LRRC4C: variants seen among roughly 807,000 people sequenced by gnomAD.
The protein encoded by LRRC4C is leucine rich repeat containing 4C, also known as leucine-rich repeat-containing protein 4C.
In LRRC4C, 5 loss-of-function variants were observed where a neutral mutation model predicts 33.6. The ratio of observed to expected loss-of-function variants is 0.15; its 90% CI spans 0.08 to 0.31. The LOEUF (loss-of-function observed/expected upper bound fraction) is 0.31. LRRC4C is among the 10% of genes least tolerant of loss of function. The probability of loss-of-function intolerance (pLI) is 1.00; values close to 1 mark genes in which losing one functional copy is unlikely to be tolerated. For missense variants in LRRC4C, 560 were observed against 796.7 expected, an observed-to-expected ratio of 0.70 and a Z score of 3.58; for synonymous variants, 329 against 302.0, an observed-to-expected ratio of 1.09 and a Z score of -0.93.
chr11:41,182,149 G>A (rs1338643779), intron 1 of LRRC4C, among the ~76,000 whole-genome samples: 1 of 152,078 alleles, frequency 6.6e-6, no homozygotes, highest in Admixed American at 6.6e-5. Context: ...CATAGACCAG[G>A]GAGATGAAAA....
At chr11:40,520,332 G>A (rs1366047753) in intron 3 of LRRC4C, among the ~76,000 whole-genome samples, 5 of 151,008 alleles carry the variant, frequency 3.3e-5, no homozygotes, top group Admixed American at 2.0e-4. Flanking sequence ...GCCTATCTCA[G>A]TTTTTAACAT....
intron 1 of LRRC4C, among the ~76,000 whole-genome samples, chr11:40,971,926 TTTGTTTTGG>T (rs1205293802): frequency 6.6e-6 from 1 of 152,168 alleles, no homozygotes; most frequent in African/African-American, 2.4e-5. Context: ...CTGTAGCTCC[TTTGTTTTGG>T]TTGATTTCTC....
chr11:41,130,980 G>T (rs560651641), intron 1 of LRRC4C, among the ~76,000 whole-genome samples: 12 of 151,988 alleles, frequency 7.9e-5, no homozygotes, highest in African/African-American at 2.9e-4. Context: ...TTGCCTATAT[G>T]ATTTCAATTG....
rs397935483 is a variant in LRRC4C, at chr11:41,059,210, G to GTTTTTTT, written c.-495-125494_-495-125488dup. Among the ~76,000 whole-genome samples, 34 of 125,206 alleles carry GTTTTTTT rather than the reference G, an allele frequency of 2.7e-4. 1 individual carries two copies. The highest frequency in any genetic ancestry group is 2.3e-3 in the East Asian group (9 of 3,868). 82.1% of individuals were successfully genotyped at this position (125,206 alleles called of 152,430 possible). On this transcript the variant is annotated intron_variant, in intron 1 of 6. Coordinates refer to ENST00000528697, the MANE Select transcript of LRRC4C (RefSeq NM_001258419.2). ...ATATACTCCTGATACTAAAATAAAA[G>GTTTTTTT]TTTTTTTTTTTTTTTAAGAAAAAGA...
chr11:40,878,503 C>A lies in LRRC4C; in HGVS notation c.-407+55132G>T, dbSNP rs534640555. ...CTAGAGCCCTCGCATGTGCAATTCACAATACGGTTAGTGCACCTAAGAGAA... is the reference window on the plus strand; with the variant it reads ...CTAGAGCCCTCGCATGTGCAATTCAAAATACGGTTAGTGCACCTAAGAGAA... On this transcript the variant is annotated intron_variant, in intron 2 of 6. Transcript: ENST00000528697. Among the ~76,000 whole-genome samples, 3 of 152,190 alleles carry A rather than the reference C, an allele frequency of 2.0e-5. No individual in the cohort carries two copies. In the East Asian group the frequency reaches 5.8e-4, roughly 29 times the overall value.
At chr11:41,272,394 T>C (rs939395469) in intron 1 of LRRC4C, among the ~76,000 whole-genome samples, 18 of 152,184 alleles carry the variant, frequency 1.2e-4, no homozygotes, top group African/African-American at 4.1e-4. Context: ...CACAAAATCA[T>C]CCTGGACTAT....
At chr11:41,070,816 G>A (rs548590690) in intron 1 of LRRC4C, among the ~76,000 whole-genome samples, 1 of 152,224 alleles carries the variant, frequency 6.6e-6, no homozygotes, top group South Asian at 2.1e-4. Context: ...CACTGTTGGT[G>A]GGAATGTAAA....
intron 1 of LRRC4C, among the ~76,000 whole-genome samples, chr11:41,175,349 G>A (rs570751954): frequency 6.6e-6 from 1 of 152,074 alleles, no homozygotes; most frequent in Non-Finnish European, 1.5e-5. Flanking sequence ...TATTCTGCAG[G>A]AGGAAACAAT....
intron 1 of LRRC4C, among the ~76,000 whole-genome samples, chr11:41,154,451 A>G (rs1440720938): frequency 6.6e-6 from 1 of 152,148 alleles, no homozygotes; most frequent in African/African-American, 2.4e-5. Context: ...AATTTTAAAA[A>G]TTTATTTCTC....
intron 3 of LRRC4C, among the ~76,000 whole-genome samples, chr11:40,453,508 C>T (rs906810349): frequency 6.6e-6 from 1 of 151,152 alleles, no homozygotes; most frequent in Admixed American, 6.6e-5. Context: ...TAATACAATC[C>T]CAATGAATAT....
chr11:40,457,730 T>C (rs1301429146), intron 3 of LRRC4C, among the ~76,000 whole-genome samples: 1 of 152,178 alleles, frequency 6.6e-6, no homozygotes, highest in African/African-American at 2.4e-5. Flanking sequence ...TTTCCTAGCT[T>C]GGACACTAAA....
At chr11:40,584,239 C>A (rs111355346) in intron 3 of LRRC4C, among the ~76,000 whole-genome samples, 2 of 133,950 alleles carry the variant, frequency 1.5e-5, no homozygotes, top group African/African-American at 5.5e-5. Context: ...GTCTTGTGCA[C>A]TGCCAAGCGT....
At chr11:40,921,454 G>C (rs1416976540) in intron 2 of LRRC4C, among the ~76,000 whole-genome samples, 3 of 152,116 alleles carry the variant, frequency 2.0e-5, no homozygotes, top group African/African-American at 7.2e-5. Context: ...GCAAAGAGCT[G>C]AATTTTGCCA....
At chr11:40,878,088 C>T (rs1350386152) in intron 2 of LRRC4C, among the ~76,000 whole-genome samples, 1 of 152,096 alleles carries the variant, frequency 6.6e-6, no homozygotes, top group Admixed American at 6.6e-5. Context: ...GGCTTGTGAG[C>T]TTACCAAACT....
rs1949562913 is a variant in LRRC4C, at chr11:41,278,817, GTTT to G, written c.-496+180611_-496+180613del. On this transcript the variant is annotated intron_variant, in intron 1 of 6. Transcript: ENST00000528697. ...TTTTCCTGTTTTTCTGTTTTATTTT[GTTT>G]TGTGTTTTTTTCCCCCAACTTTTAA... Among the ~76,000 whole-genome samples, 8 of 20,656 alleles carry G rather than the reference GTTT, an allele frequency of 3.9e-4. No individual in the cohort carries two copies. The Admixed American group carries it at 6.0e-3, about 15-fold the overall frequency. 13.6% of individuals were successfully genotyped at this position (20,656 alleles called of 152,430 possible).
chr11:40,401,316 G>T (rs1949750788), intron 3 of LRRC4C, among the ~76,000 whole-genome samples: 1 of 151,788 alleles, frequency 6.6e-6, no homozygotes, highest in Admixed American at 6.6e-5. Context: ...TGCCTTTCGA[G>T]AACACAGTAC....
At chr11:40,540,740 G>A (rs888130040) in intron 3 of LRRC4C, among the ~76,000 whole-genome samples, 8 of 152,054 alleles carry the variant, frequency 5.3e-5, no homozygotes, top group African/African-American at 1.9e-4. Flanking sequence ...TGGAATCTCA[G>A]CAGAAGTAGA....
At position 40,144,600 on chromosome 11, in the gene LRRC4C, A is replaced by T. The variant is rs143482621; in HGVS notation, c.-95-3747T>A. On this transcript the variant is annotated intron_variant, in intron 5 of 6. Transcript: ENST00000528697. ...GATTGTATCTTTTGTTAATACTATA[A>T]ATTATAATTTGAAAAATTGTTTCAT... Among the ~76,000 whole-genome samples, 374 of 152,328 alleles carry T rather than the reference A, an allele frequency of 2.5e-3. 4 individuals carry two copies. The highest frequency in any genetic ancestry group is 8.4e-3 in the African/African-American group (351 of 41,582).
intron 3 of LRRC4C, among the ~76,000 whole-genome samples, chr11:40,574,069 T>C (rs1958085782): frequency 1.3e-5 from 2 of 152,234 alleles, no homozygotes. Context: ...TGAGATAGTA[T>C]ATGTATGATA....
Sources: gnomAD v4.1 joint callset for allele counts (sites outside exome capture counted in the v4.1 genomes callset) on GRCh38, gnomAD v4.1.1 for gene constraint, MANE v1.5 for transcripts, NCBI Gene and HGNC (gene_info 2026-07-23, HGNC 2026-07-21) for gene names.